The following ZFHX3 variants were observed in gnomAD, a reference collection of about 807,000 sequenced individuals.
The protein encoded by ZFHX3 is zinc finger homeobox 3, also known as zinc finger homeobox protein 3.
In ZFHX3, 42 loss-of-function variants were observed where a neutral mutation model predicts 279.1. The observed-to-expected ratio is 0.15, with a 90% CI of 0.12 to 0.19. The LOEUF is 0.19. ZFHX3 is among the 10% of genes least tolerant of loss of function. The probability of loss-of-function intolerance (pLI) is 1.00; values close to 1 mark genes in which losing one functional copy is unlikely to be tolerated. For missense variants in ZFHX3, 4,981 were observed against 4,754.0 expected (o/e 1.05, Z -1.40); for synonymous variants, 2,293 against 1,957.8 (o/e 1.17, Z -4.52).
intron 5 of ZFHX3, among the ~76,000 whole-genome samples, chr16:73,164,027 C>T (rs1220913357): frequency 6.6e-6 from 1 of 152,116 alleles, no homozygotes; most frequent in South Asian, 2.1e-4. Context: ...GGTGGAAAGC[C>T]TTGTAGAGCT....
At chr16:73,569,778 C>G (rs549121243) in intron 2 of ZFHX3, among the ~76,000 whole-genome samples, 3 of 152,248 alleles carry the variant, frequency 2.0e-5, no homozygotes, top group Non-Finnish European at 4.4e-5. Flanking sequence ...TGGGCAGGGC[C>G]GGAAGAGCAC....
intron 3 of ZFHX3, chr16:73,401,254 A>T (rs2017244952): frequency 6.6e-6 from 1 of 152,224 alleles, no homozygotes; most frequent in South Asian, 2.1e-4. Flanking sequence ...TGGCCCTCAC[A>T]AATGAAAGTG....
intron 7 of ZFHX3, among the ~76,000 whole-genome samples, chr16:73,101,509 G>C (rs1212041736): frequency 6.6e-6 from 1 of 152,122 alleles, no homozygotes; most frequent in African/African-American, 2.4e-5. Flanking sequence ...CTCCTGAGTA[G>C]CTGGGACAAC....
chr16:73,819,195 C>T (rs328348), intron 1 of ZFHX3, among the ~76,000 whole-genome samples: 69,451 of 151,454 alleles, frequency 0.46, 17,597 homozygotes, highest in African/African-American at 0.7. Context: ...CCAATGGCAA[C>T]GATAGCTGAG....
At chr16:73,469,071 T>A (rs2018618952) in intron 2 of ZFHX3, among the ~76,000 whole-genome samples, 2 of 152,218 alleles carry the variant, frequency 1.3e-5, no homozygotes, top group African/African-American at 4.8e-5. Context: ...AAGGTCCTTA[T>A]CTGTAGAGGC....
intron 5 of ZFHX3, among the ~76,000 whole-genome samples, chr16:73,154,253 T>C (rs1472528907): frequency 6.6e-6 from 1 of 152,196 alleles, no homozygotes; most frequent in Non-Finnish European, 1.5e-5. Context: ...CTTCGGTCAA[T>C]GCACAGATCT....
At chr16:72,791,257 CAT>C (rs1242677485) in intron 9 of ZFHX3, 7 of 152,226 alleles carry the variant, frequency 4.6e-5, no homozygotes, top group African/African-American at 1.7e-4. Flanking sequence ...TTGGGCCTGA[CAT>C]ATAATAGATG....
At chr16:73,483,563 T>G (rs2018912052) in intron 2 of ZFHX3, 1 of 348,248 alleles carries the variant, frequency 2.9e-6, no homozygotes, top group Admixed American at 3.9e-5. Flanking sequence ...ATCCGTCAGC[T>G]GCCTACAAGG....
intron 7 of ZFHX3, among the ~76,000 whole-genome samples, chr16:73,115,460 G>A (rs1283945193): frequency 6.6e-6 from 1 of 151,972 alleles, no homozygotes; most frequent in Non-Finnish European, 1.5e-5. Flanking sequence ...GAGGTGGGGA[G>A]GATTGCTTGA....
intron 4 of ZFHX3, among the ~76,000 whole-genome samples, chr16:72,850,260 C>A (rs1182315012): frequency 1.3e-5 from 2 of 152,216 alleles, no homozygotes; most frequent in Non-Finnish European, 2.9e-5. Flanking sequence ...CCAGTGTCTA[C>A]CTCACTTAGC....
rs769256676 is a variant in ZFHX3, at chr16:72,787,251, C to T, written c.11025G>A (p.Pro3675=). 3.7e-6 allele frequency: 6 copies of T among 1,614,052 alleles called. No individual in the cohort carries two copies. The highest frequency in any genetic ancestry group is 4.2e-6 in the Non-Finnish European group (5 of 1,180,014). Residue 3675 remains proline (P), a synonymous_variant, in exon 10 of 10, where the codon CCG becomes CCA. Transcript: ENST00000268489. ...DTDLSQKSDG[P]ASPVEGPKDP... is the part of the protein sequence containing the mutation. ...CTTTGGGACCCTCCACCGGGCTCGC[C>T]GGTCCGTCGGACTTTTGGCTGAGAT...
At chr16:72,816,763 T>C (rs529835388) in intron 5 of ZFHX3, among the ~76,000 whole-genome samples, 8 of 152,320 alleles carry the variant, frequency 5.3e-5, no homozygotes, top group Admixed American at 5.2e-4. Context: ...TGATTGTCTA[T>C]TTTATCCTCT....
At chr16:73,432,882 T>A (rs2017933042) in intron 3 of ZFHX3, among the ~76,000 whole-genome samples, 2 of 152,342 alleles carry the variant, frequency 1.3e-5, no homozygotes, top group South Asian at 2.1e-4. Context: ...TCCCCACAGC[T>A]GACCTGACAG....
chr16:73,026,357 A>G (rs536184645), intron 1 of ZFHX3, among the ~76,000 whole-genome samples: 9 of 151,710 alleles, frequency 5.9e-5, no homozygotes, highest in Non-Finnish European at 1.2e-4. Context: ...TGGGGGGCAG[A>G]GCAAGACTCT....
At chr16:72,820,418 T>C (rs1468205666) in intron 5 of ZFHX3, among the ~76,000 whole-genome samples, 2 of 152,154 alleles carry the variant, frequency 1.3e-5, no homozygotes, top group African/African-American at 4.8e-5. Flanking sequence ...CTGTGTCAGG[T>C]TTGCAAATGA....
At chr16:72,889,422 G>A (rs2038713077) in intron 4 of ZFHX3, among the ~76,000 whole-genome samples, 1 of 150,820 alleles carries the variant, frequency 6.6e-6, no homozygotes, top group East Asian at 1.9e-4. Flanking sequence ...CCTGCTCCCT[G>A]GGTAGTAGCT....
chr16:73,562,592 T>C (rs2020387431), intron 2 of ZFHX3, among the ~76,000 whole-genome samples: 1 of 76,216 alleles, frequency 1.3e-5, no homozygotes, highest in Admixed American at 1.8e-4. Flanking sequence ...CCAGACTCCG[T>C]CTCAAAAAAA....
At chr16:73,004,780 C>T (rs564264803) in intron 1 of ZFHX3, among the ~76,000 whole-genome samples, 1 of 152,154 alleles carries the variant, frequency 6.6e-6, no homozygotes, top group African/African-American at 2.4e-5. Flanking sequence ...TTTTCTATTA[C>T]AATTTCTTCC....
chr16:73,325,696 C>T (rs1230097913), intron 3 of ZFHX3, among the ~76,000 whole-genome samples: 1 of 151,976 alleles, frequency 6.6e-6, no homozygotes, highest in African/African-American at 2.4e-5. Context: ...TTTATCCATG[C>T]CAATTAAAAC....
Sources: allele counts gnomAD v4.1 joint callset (sites outside exome capture counted in the v4.1 genomes callset), GRCh38; gene constraint gnomAD v4.1.1; transcripts MANE v1.5; gene names NCBI Gene and HGNC (gene_info 2026-07-23, HGNC 2026-07-21).